The following PLXDC2 variants were observed in gnomAD, a reference collection of about 807,000 sequenced individuals.
PLXDC2 encodes the protein plexin domain containing 2.
Under a neutral mutation model 68.9 loss-of-function variants are expected in PLXDC2, and 40 were observed. The observed-to-expected ratio is 0.58, with a 90% confidence interval of 0.45 to 0.76. The LOEUF (loss-of-function observed/expected upper bound fraction) is 0.76. PLXDC2 is among the 30% of genes least tolerant of loss of function. The pLI is 0.00. For synonymous variants in PLXDC2, 243 were observed against 234.2 expected, an observed-to-expected ratio of 1.04 and a Z score of -0.34; for missense variants, 644 against 661.9, an observed-to-expected ratio of 0.97 and a Z score of 0.30.
At chr10:20,004,451 T>G (rs1263994465) in intron 2 of PLXDC2, among the ~76,000 whole-genome samples, 4 of 152,156 alleles carry the variant, frequency 2.6e-5, no homozygotes, top group African/African-American at 9.7e-5. Context: ...TGAGCCACTC[T>G]TTAGCTGGGG....
intron 4 of PLXDC2, among the ~76,000 whole-genome samples, chr10:20,115,693 T>C (rs1415331593): frequency 6.6e-6 from 1 of 152,164 alleles, no homozygotes; most frequent in East Asian, 1.9e-4. Context: ...ACTTCCCATA[T>C]CTAAAATTTG....
chr10:20,264,929 C>T (rs1201817742), intron 13 of PLXDC2, among the ~76,000 whole-genome samples: 1 of 151,338 alleles, frequency 6.6e-6, no homozygotes, highest in Non-Finnish European at 1.5e-5. Flanking sequence ...ATTATTTACC[C>T]AAAACAACGA....
rs577841830 is a variant in PLXDC2 at position 20,254,070 on chromosome 10, C to G, written c.1473+8565C>G. 2.5e-4 allele frequency among the ~76,000 whole-genome samples: 38 copies of G among 152,278 alleles called. No individual in the cohort carries two copies. The East Asian group carries it at 7.2e-3, about 29-fold the overall frequency. On this transcript the variant is annotated intron_variant, in intron 13 of 13. Coordinates refer to ENST00000377252, the MANE Select transcript of PLXDC2 (RefSeq NM_032812.9). ...CCGGTTACAGAGCCAAGACATCAAACTAGAATTCCTCACCCCGGCCCTATA... is the reference window on the plus strand; with the variant it reads ...CCGGTTACAGAGCCAAGACATCAAAGTAGAATTCCTCACCCCGGCCCTATA...
chr10:20,069,843 AAATG>A (rs992419819), intron 4 of PLXDC2, among the ~76,000 whole-genome samples: 1 of 152,198 alleles, frequency 6.6e-6, no homozygotes, highest in African/African-American at 2.4e-5. Context: ...AAGAAAAAAC[AAATG>A]AAAACCAGAA....
intron 4 of PLXDC2, among the ~76,000 whole-genome samples, chr10:20,108,472 C>T (rs1329571276): frequency 6.6e-6 from 1 of 152,080 alleles, no homozygotes; most frequent in Admixed American, 6.6e-5. Context: ...GTTTCTCTAC[C>T]CTTTTCGCAA....
chr10:19,920,508 C>A (rs1370995541), intron 1 of PLXDC2, among the ~76,000 whole-genome samples: 1 of 152,198 alleles, frequency 6.6e-6, no homozygotes, highest in East Asian at 1.9e-4. Context: ...TGGCATGCCA[C>A]CAGGCCATGA....
chr10:20,163,768 C>T (rs902496644), intron 6 of PLXDC2, among the ~76,000 whole-genome samples: 2 of 152,010 alleles, frequency 1.3e-5, no homozygotes, highest in African/African-American at 4.8e-5. Context: ...TATCATTTTT[C>T]ATATATTCTC....
chr10:20,090,929 A>G (rs1833267878), intron 4 of PLXDC2, among the ~76,000 whole-genome samples: 4 of 152,322 alleles, frequency 2.6e-5, no homozygotes, highest in African/African-American at 4.8e-5. Context: ...TTTCCTTAGA[A>G]AATGCAATCA....
intron 1 of PLXDC2, among the ~76,000 whole-genome samples, chr10:19,932,378 A>G (rs546594656): frequency 1.4e-4 from 22 of 151,844 alleles, no homozygotes; most frequent in Admixed American, 1.2e-3. Flanking sequence ...TTTCCTTTCT[A>G]TATACCAGGA....
intron 4 of PLXDC2, among the ~76,000 whole-genome samples, chr10:20,109,992 G>A (rs934580399): frequency 7.9e-5 from 12 of 152,188 alleles, no homozygotes; most frequent in Non-Finnish European, 1.5e-4. Context: ...GAAGGCATAT[G>A]TCTAGCAAAG....
Position 19,838,113 on chromosome 10 carries a change from C to T in PLXDC2, c.112+20922C>T, listed in dbSNP as rs140299211. ...TCCTGGGGCTCAAACCGTCTTTCCA[C>T]CCCAGACTCCCAATATTTTTAAGTT... On this transcript the variant is annotated intron_variant, in intron 1 of 13. Coordinates refer to ENST00000377252, the MANE Select transcript of PLXDC2 (RefSeq NM_032812.9). 6.4e-4 allele frequency among the ~76,000 whole-genome samples: 98 copies of T among 152,224 alleles called. 1 individual carries two copies. Among genetic ancestry groups the T allele is most frequent in the African/African-American group, 2.1e-3 (89 of 41,526 alleles).
At chr10:19,851,565 A>G (rs369944829) in intron 1 of PLXDC2, among the ~76,000 whole-genome samples, 144 of 152,078 alleles carry the variant, frequency 9.5e-4, no homozygotes, top group African/African-American at 2.6e-3. Flanking sequence ...TATGTTTTTG[A>G]GACAGAGTCT....
At chr10:20,062,370 G>C (rs971857208) in intron 3 of PLXDC2, among the ~76,000 whole-genome samples, 1 of 152,134 alleles carries the variant, frequency 6.6e-6, no homozygotes, top group East Asian at 1.9e-4. Flanking sequence ...GTTGCAGTGA[G>C]CCAAGATCGC....
chr10:19,860,855 A>T lies in PLXDC2; in HGVS notation c.112+43664A>T, dbSNP rs533007641. ...CAGTACCAGAGAAAATCTGGGAGCC[A>T]GGTTTATCTAATCTTCTTTACTCCT... On this transcript the variant is annotated intron_variant, in intron 1 of 13. Transcript: ENST00000377252. 2.2e-4 allele frequency among the ~76,000 whole-genome samples: 34 copies of T among 152,282 alleles called. 1 individual carries two copies. In the South Asian group the frequency reaches 6.6e-3, roughly 30 times the overall value.
intron 1 of PLXDC2, among the ~76,000 whole-genome samples, chr10:19,869,468 A>AG (rs555686208): frequency 0.067 from 2,960 of 44,384 alleles, 155 homozygotes; most frequent in African/African-American, 0.12. Flanking sequence ...AGAGAGAGAA[A>AG]GGGGGGGGGG....
In PLXDC2 at chr10:20,084,877, G is replaced by C. The variant is rs1325017044; in HGVS notation, c.541+16638G>C. ...GAAGGTGCTCACGAAGGCCGTGGCA[G>C]AGGAAAAAAAAAAAAAAATAACATG... On this transcript the variant is annotated intron_variant, in intron 4 of 13. Transcript: ENST00000377252. 1.9e-4 allele frequency among the ~76,000 whole-genome samples: 20 copies of C among 106,630 alleles called. No homozygotes were observed. In the East Asian group the frequency reaches 6.4e-3, roughly 34 times the overall value. The allele number at this position is 106,630 out of a possible 152,430, so 70.0% of individuals were successfully genotyped here. A position where few individuals can be genotyped will look rare whatever the true frequency, so the allele number is the denominator to read the frequency against.
intron 1 of PLXDC2, among the ~76,000 whole-genome samples, chr10:19,829,428 C>T (rs1282380996): frequency 3.9e-5 from 6 of 152,118 alleles, no homozygotes; most frequent in African/African-American, 1.4e-4. Flanking sequence ...TTTGTTGATA[C>T]TTTCTTACCA....
intron 1 of PLXDC2, among the ~76,000 whole-genome samples, chr10:19,846,158 C>T (rs2131322077): frequency 6.6e-6 from 1 of 152,304 alleles, no homozygotes; most frequent in East Asian, 1.9e-4. Flanking sequence ...CAAGTGTAGT[C>T]ATGGCAACCA....
At chr10:20,006,814 A>C (rs1307622525) in intron 2 of PLXDC2, among the ~76,000 whole-genome samples, 1 of 152,224 alleles carries the variant, frequency 6.6e-6, no homozygotes, top group Non-Finnish European at 1.5e-5. Flanking sequence ...TCCCATGAGC[A>C]TATAAAATCT....
Sources: gnomAD v4.1 joint callset for allele counts (sites outside exome capture counted in the v4.1 genomes callset) on GRCh38, gnomAD v4.1.1 for gene constraint, MANE v1.5 for transcripts, NCBI Gene and HGNC (gene_info 2026-07-23, HGNC 2026-07-21) for gene names.